The following RSU1 variants were observed in gnomAD, a reference collection of about 807,000 sequenced individuals.
RSU1 encodes the protein Ras suppressor protein 1.
A neutral mutation model predicts 31.1 loss-of-function variants in RSU1; 26 were observed. The observed-to-expected ratio is 0.84, with a 90% CI of 0.61 to 1.16. RSU1 has a LOEUF of 1.16. Among genes scored for constraint, RSU1 ranks in the 50% most tolerant of loss-of-function variants. RSU1 has a pLI of 0.00. For synonymous variants in RSU1, 164 were observed against 136.3 expected, an observed-to-expected ratio of 1.20 and a Z score of -1.41; for missense variants, 320 against 339.1, an observed-to-expected ratio of 0.94 and a Z score of 0.44.
chr10:16,654,934 C>T (rs376936164), intron 8 of RSU1, among the ~76,000 whole-genome samples: 2 of 151,124 alleles, frequency 1.3e-5, no homozygotes, highest in Admixed American at 6.6e-5. Flanking sequence ...TGTGGTGGCA[C>T]GTGCCTGTAG....
intron 8 of RSU1, among the ~76,000 whole-genome samples, chr10:16,608,978 G>A (rs1833850022): frequency 1.3e-5 from 2 of 152,182 alleles, no homozygotes; most frequent in East Asian, 1.9e-4. Flanking sequence ...GACTACAGGT[G>A]TGCATCATCA....
chr10:16,653,536 G>C (rs879058169), intron 8 of RSU1, among the ~76,000 whole-genome samples: 7 of 152,128 alleles, frequency 4.6e-5, no homozygotes, highest in Admixed American at 4.6e-4. Context: ...AAACAATCGA[G>C]ATTTTTTTTT....
At chr10:16,728,811 T>C (rs1345243784) in intron 7 of RSU1, among the ~76,000 whole-genome samples, 2 of 152,118 alleles carry the variant, frequency 1.3e-5, no homozygotes, top group East Asian at 3.9e-4. Context: ...TGGTAGGTTC[T>C]GAGGATGAAG....
chr10:16,788,640 T>C (rs1837847398), intron 2 of RSU1, among the ~76,000 whole-genome samples: 1 of 152,200 alleles, frequency 6.6e-6, no homozygotes, highest in Non-Finnish European at 1.5e-5. Context: ...ATTTTTGTTA[T>C]AACGGCCAGA....
At chr10:16,633,864 C>T (rs868672276) in intron 8 of RSU1, among the ~76,000 whole-genome samples, 2 of 152,170 alleles carry the variant, frequency 1.3e-5, no homozygotes, top group South Asian at 2.1e-4. Flanking sequence ...CCCTGGACCC[C>T]GAAGGGTGAC....
At chr10:16,799,886 G>A (rs1163707338) in intron 2 of RSU1, among the ~76,000 whole-genome samples, 1 of 152,150 alleles carries the variant, frequency 6.6e-6, no homozygotes, top group Non-Finnish European at 1.5e-5. Flanking sequence ...GAAGGTCACA[G>A]CCAAGTGGCA....
At chr10:16,723,950 A>AC (rs1836332547) in intron 7 of RSU1, among the ~76,000 whole-genome samples, 2 of 151,972 alleles carry the variant, frequency 1.3e-5, no homozygotes, top group South Asian at 4.2e-4. Context: ...CTTTTTATTT[A>AC]TTTTTTTGAG....
At chr10:16,635,317 G>T (rs942552122) in intron 8 of RSU1, among the ~76,000 whole-genome samples, 1 of 152,106 alleles carries the variant, frequency 6.6e-6, no homozygotes, top group Admixed American at 6.5e-5. Context: ...CTATCCCTCT[G>T]CTAACCAACT....
rs560207297 is a variant in RSU1 at position 16,633,745 on chromosome 10, T to C, written c.732-40249A>G. Among the ~76,000 whole-genome samples, 203 of 152,276 alleles carry C rather than the reference T, an allele frequency of 1.3e-3. 1 individual carries two copies. The highest frequency in any genetic ancestry group is 2.4e-3 in the Non-Finnish European group (166 of 68,016). ...CCACTGTCTTAACTCCACGATTCCA[T>C]GGGCTTCTGTGTACTTTTCAATGCT... On this transcript the variant is annotated intron_variant, in intron 8 of 8. Coordinates refer to ENST00000345264, the MANE Select transcript of RSU1 (RefSeq NM_012425.4).
At chr10:16,665,566 T>C (rs1279040366) in intron 8 of RSU1, among the ~76,000 whole-genome samples, 1 of 152,228 alleles carries the variant, frequency 6.6e-6, no homozygotes, top group Non-Finnish European at 1.5e-5. Context: ...ATTCACATCT[T>C]GTCCAGATTT....
At chr10:16,808,338 G>A (rs150024866) in intron 2 of RSU1, among the ~76,000 whole-genome samples, 48 of 152,016 alleles carry the variant, frequency 3.2e-4, no homozygotes, top group African/African-American at 6.5e-4. Flanking sequence ...AAAAAAATTC[G>A]CCAGGCGTTG....
At chr10:16,792,523 G>A (rs928371318) in intron 2 of RSU1, among the ~76,000 whole-genome samples, 7 of 152,184 alleles carry the variant, frequency 4.6e-5, no homozygotes, top group Admixed American at 1.3e-4. Flanking sequence ...GAGCCACTGC[G>A]CCCGGCCAGG....
At chr10:16,612,197 A>G (rs528945098) in intron 8 of RSU1, among the ~76,000 whole-genome samples, 3 of 152,358 alleles carry the variant, frequency 2.0e-5, no homozygotes, top group East Asian at 1.9e-4. Context: ...TGTGTGCCCA[A>G]CGTTTTAGAC....
intron 7 of RSU1, among the ~76,000 whole-genome samples, chr10:16,740,243 AG>A (rs1304115457): frequency 6.6e-6 from 1 of 152,162 alleles, no homozygotes; most frequent in African/African-American, 2.4e-5. Flanking sequence ...ATATATAAAA[AG>A]GAAGATACAA....
At chr10:16,629,105 G>C (rs1588682681) in intron 8 of RSU1, among the ~76,000 whole-genome samples, 1 of 152,142 alleles carries the variant, frequency 6.6e-6, no homozygotes, top group South Asian at 2.1e-4. Flanking sequence ...GAGTCTGCCT[G>C]GGAGCCTGCT....
At chr10:16,708,569 T>C (rs1255085197) in intron 7 of RSU1, among the ~76,000 whole-genome samples, 4 of 152,288 alleles carry the variant, frequency 2.6e-5, no homozygotes, top group Non-Finnish European at 4.4e-5. Flanking sequence ...TTGGGTCCTT[T>C]TGTGGTTCCA....
Position 16,816,981 on chromosome 10 carries a change from T to C in RSU1, c.101A>G (p.Asn34Ser), listed in dbSNP as rs1165116853. ...DRGISNMLDV[N>S]GLFTLSHITQ... ...CCTGCCCGAGAACTCACAGAGGCCG[T>C]TGACATCCAGCATGTTGGAGATGCC... Residue 34 changes from asparagine to serine, a missense_variant, in exon 2 of 9, where the codon AAC becomes AGC. Asn to Ser is a conservative substitution (Grantham distance 46). Transcript: ENST00000345264. The C allele has an allele frequency of 5.0e-6, 8 of 1,612,900 alleles. No homozygotes were observed. The highest frequency in any genetic ancestry group is 1.7e-4 in the Middle Eastern group (1 of 6,056).
chr10:16,729,267 T>C (rs1836455735), intron 7 of RSU1, among the ~76,000 whole-genome samples: 1 of 152,168 alleles, frequency 6.6e-6, no homozygotes, highest in Non-Finnish European at 1.5e-5. Context: ...CTAGGAAACA[T>C]TATTAGTGAT....
chr10:16,794,719 C>G (rs1837991144), intron 2 of RSU1, among the ~76,000 whole-genome samples: 1 of 152,204 alleles, frequency 6.6e-6, no homozygotes. Flanking sequence ...TGAGCTTCTT[C>G]TTTGCAAACT....
Sources: gnomAD v4.1 joint callset for allele counts (sites outside exome capture counted in the v4.1 genomes callset) on GRCh38, gnomAD v4.1.1 for gene constraint, MANE v1.5 for transcripts, NCBI Gene and HGNC (gene_info 2026-07-23, HGNC 2026-07-21) for gene names.